The following SLC13A1 variants were observed in gnomAD, a reference collection of about 807,000 sequenced individuals.
The protein encoded by SLC13A1 is solute carrier family 13 member 1, also known as Na(+)/sulfate cotransporter.
Under a neutral mutation model 70.0 loss-of-function variants are expected in SLC13A1, and 65 were observed. The observed-to-expected ratio is 0.93, with a 90% CI of 0.76 to 1.14. The LOEUF (loss-of-function observed/expected upper bound fraction) is 1.14, where lower values mean the gene tolerates loss of function less well. Among genes scored for constraint, SLC13A1 ranks in the 50% most tolerant of loss-of-function variants. The pLI is 0.00. For missense variants in SLC13A1, 726 were observed against 717.8 expected, an observed-to-expected ratio of 1.01 and a Z score of -0.13; for synonymous variants, 275 against 250.5, an observed-to-expected ratio of 1.10 and a Z score of -0.92.
intron 1 of SLC13A1, among the ~76,000 whole-genome samples, chr7:123,181,996 G>A (rs975077331): frequency 6.6e-6 from 1 of 151,836 alleles, no homozygotes; most frequent in South Asian, 2.1e-4. Context: ...AGTCCTTGGG[G>A]CTTGGGATTT....
At chr7:123,116,095 A>T (rs971351808) in intron 14 of SLC13A1, among the ~76,000 whole-genome samples, 2 of 152,222 alleles carry the variant, frequency 1.3e-5, no homozygotes, top group African/African-American at 4.8e-5. Flanking sequence ...AAAATTCAGG[A>T]CGCCATATGG....
chr7:123,141,544 TTCTC>T (rs146836017), intron 7 of SLC13A1, among the ~76,000 whole-genome samples: 1 of 151,456 alleles, frequency 6.6e-6, no homozygotes, highest in East Asian at 1.9e-4. Flanking sequence ...TGAGGTCTCT[TTCTC>T]TCTCTCTCTC....
At chr7:123,190,759 C>A in intron 1 of SLC13A1, 1 of 395,988 alleles carries the variant, frequency 2.5e-6, no homozygotes, top group Non-Finnish European at 5.1e-6. Context: ...GAGAAGTTGC[C>A]CCTGGGGAAG....
chr7:123,186,729 A>G (rs1239497864), intron 1 of SLC13A1: 1 of 455,800 alleles, frequency 2.2e-6, no homozygotes, highest in Non-Finnish European at 4.4e-6. Flanking sequence ...GATACATCCG[A>G]TATCGTTATT....
chr7:123,172,813 G>A (rs1795318288), intron 2 of SLC13A1, among the ~76,000 whole-genome samples: 1 of 151,956 alleles, frequency 6.6e-6, no homozygotes, highest in Non-Finnish European at 1.5e-5. Flanking sequence ...AAAGGGTTGT[G>A]TAATTGATTA....
chr7:123,148,576 G>C, intron 6 of SLC13A1: 1 of 376,556 alleles, frequency 2.7e-6, no homozygotes, highest in Non-Finnish European at 5.2e-6. Flanking sequence ...TCCTCTTCCT[G>C]TGGCGAAATT....
chr7:123,171,847 C>A lies in SLC13A1; in HGVS notation c.286G>T (p.Ala96Ser). The change falls in exon 3 of 15, where the codon GCA (alanine) becomes TCA (serine). Residue 96 changes from alanine (A) to serine (S), a missense_variant. Physicochemically the swap from Ala to Ser is moderately conservative, Grantham distance 99. Transcript: ENST00000194130. ...HLLLIGVICL[A>S]TSIEKWNLHK... is the part of the protein sequence containing the mutation. ...AAATTCCATTTTTCTATGGATGTTG[C>A]TAAACAGATAACTCCAATTAGCAGT... 1 of 1,613,532 alleles carries A rather than the reference C, an allele frequency of 6.2e-7. No homozygotes were observed. Among genetic ancestry groups the A allele is most frequent in the East Asian group, 2.2e-5 (1 of 44,822 alleles).
At chr7:123,172,027 G>C in intron 2 of SLC13A1, 123 bp from the exon 3 acceptor site, 3 of 846,250 alleles carry the variant, frequency 3.5e-6, no homozygotes, top group Middle Eastern at 7.3e-4. Context: ...CCATTTTGTT[G>C]AGAAAAATGT....
chr7:123,162,363 A>G (rs1317475367), intron 6 of SLC13A1, among the ~76,000 whole-genome samples: 3 of 152,148 alleles, frequency 2.0e-5, no homozygotes, highest in African/African-American at 7.2e-5. Flanking sequence ...CTTTGACTCT[A>G]ATAAAGGTTG....
rs1181486060 is a variant in SLC13A1, at chr7:123,149,650, GT to G, written c.661-2341del. The G allele has an allele frequency of 8.8e-6, 4 of 456,162 alleles. No homozygotes were observed. In the East Asian group the frequency reaches 2.8e-4, roughly 32 times the overall value. 28.3% of individuals were successfully genotyped at this position (456,162 alleles called of 1,614,324 possible). A position where few individuals can be genotyped will look rare whatever the true frequency, so the allele number is the denominator to read the frequency against. ...GGAAATGAAATGCAAAAATACCTAA[GT>G]GTGTGCTTGATATTATAGTTACTCA... On this transcript the variant is annotated intron_variant, in intron 6 of 14. Coordinates refer to ENST00000194130, the MANE Select transcript of SLC13A1 (RefSeq NM_022444.4).
intron 1 of SLC13A1, among the ~76,000 whole-genome samples, chr7:123,194,588 A>AGTGT (rs1796114339): frequency 2.0e-5 from 3 of 152,054 alleles, no homozygotes; most frequent in Non-Finnish European, 4.4e-5. Context: ...TGTAGGGGAA[A>AGTGT]GTGTGTAAAA....
intron 2 of SLC13A1, among the ~76,000 whole-genome samples, chr7:123,180,151 C>T (rs1033390700): frequency 6.6e-6 from 1 of 151,972 alleles, no homozygotes; most frequent in Non-Finnish European, 1.5e-5. Context: ...GCAAAAAGAT[C>T]GACTGGGGCT....
At chr7:123,186,760 A>C in intron 1 of SLC13A1, 1 of 455,876 alleles carries the variant, frequency 2.2e-6, no homozygotes, top group African/African-American at 2.0e-5. Context: ...CTGCAACCGT[A>C]ACAAGTAAAC....
intron 6 of SLC13A1, among the ~76,000 whole-genome samples, chr7:123,157,806 G>GT (rs1457305478): frequency 4.6e-5 from 7 of 152,096 alleles, no homozygotes; most frequent in Admixed American, 4.6e-4. Flanking sequence ...AGTGTATCAT[G>GT]TTGCAAGGAG....
intron 10 of SLC13A1, 34 bp downstream of exon 10, chr7:123,128,811 G>T (rs891047881): frequency 1.4e-6 from 2 of 1,398,432 alleles, no homozygotes; most frequent in Admixed American, 1.7e-5. Flanking sequence ...GTATAAAACA[G>T]GAAGGGCTGA....
chr7:123,129,351 T>G, intron 9 of SLC13A1, 32 bp downstream of exon 9: 1 of 1,102,884 alleles, frequency 9.1e-7, no homozygotes, highest in Non-Finnish European at 1.3e-6. Context: ...TGTGTGTGTG[T>G]GTGTGTGTGT....
At chr7:123,140,357 T>C (rs1794092466) in intron 7 of SLC13A1, among the ~76,000 whole-genome samples, 1 of 152,108 alleles carries the variant, frequency 6.6e-6, no homozygotes, top group South Asian at 2.1e-4. Flanking sequence ...TGAGGATTTT[T>C]GCATCAATAT....
chr7:123,192,145 T>C (rs1479418844), intron 1 of SLC13A1, among the ~76,000 whole-genome samples: 2 of 152,146 alleles, frequency 1.3e-5, no homozygotes, highest in East Asian at 3.9e-4. Context: ...CTCATCTCTC[T>C]TGCTAATAAA....
chr7:123,117,692 C>G (rs966135132), intron 13 of SLC13A1, 84 bp from the exon 14 acceptor site: 5 of 782,424 alleles, frequency 6.4e-6, no homozygotes, highest in Non-Finnish European at 9.9e-6. Flanking sequence ...TTACAATAAG[C>G]CTTCCCAGAA....
Sources: allele counts gnomAD v4.1 joint callset (sites outside exome capture counted in the v4.1 genomes callset), GRCh38; gene constraint gnomAD v4.1.1; transcripts MANE v1.5; gene names NCBI Gene and HGNC (gene_info 2026-07-23, HGNC 2026-07-21).